The following AP1B1 variants were observed in gnomAD, a reference collection of about 807,000 sequenced individuals.
AP1B1 encodes the protein AP-1 complex subunit beta-1.
AP1B1 carries 36 observed loss-of-function variants against 104.3 expected under a neutral mutation model. The ratio of observed to expected loss-of-function variants is 0.35; its 90% CI spans 0.26 to 0.46. AP1B1 has a LOEUF of 0.46. Ranked by LOEUF, AP1B1 falls within the 20% of genes least tolerant of loss-of-function variation. The pLI is 1.00. For synonymous variants in AP1B1, 504 were observed against 517.5 expected (o/e 0.97, Z 0.35); for missense variants, 901 against 1,247.9 (o/e 0.72, Z 4.19).
Position 29,331,793 on chromosome 22 carries a change from G to A in AP1B1, c.2433C>T (p.Asn811=), listed in dbSNP as rs371753455. Residue 811 remains asparagine (N), a synonymous_variant, in exon 18 of 23, where the codon AAC becomes AAT. Coordinates refer to ENST00000357586, the MANE Select transcript of AP1B1 (RefSeq NM_001127.4). ...TGCCCTGCCCGGAACCCACCTGGAG[G>A]TTGTTCAGAGGCTCCATCTTCATGA... ...GSVMKMEPLN[N]LQVAVKNNID... is the part of the protein sequence containing the mutation. The A allele has an allele frequency of 5.0e-6, 8 of 1,614,068 alleles. No homozygotes were observed. The highest frequency in any genetic ancestry group is 6.8e-6 in the Non-Finnish European group (8 of 1,180,040).
chr22:29,384,087 C>T (rs922073976), intron 1 of AP1B1, among the ~76,000 whole-genome samples: 1 of 152,198 alleles, frequency 6.6e-6, no homozygotes, highest in Non-Finnish European at 1.5e-5. Flanking sequence ...ACAAAGCAAA[C>T]AGGCACAACT....
At chr22:29,374,810 T>C (rs144908389) in intron 1 of AP1B1, among the ~76,000 whole-genome samples, 194 of 152,358 alleles carry the variant, frequency 1.3e-3, no homozygotes, top group South Asian at 6.6e-3. Context: ...AAATTATTCA[T>C]GCAACATCCT....
chr22:29,351,719 C>A lies in AP1B1; in HGVS notation c.1045G>T (p.Ala349Ser). 2 of 1,613,982 alleles carry A rather than the reference C, an allele frequency of 1.2e-6. No individual in the cohort carries two copies. The highest frequency in any genetic ancestry group is 1.7e-6 in the Non-Finnish European group (2 of 1,180,020). Residue 349 changes from alanine (A) to serine (S), a missense_variant, in exon 8 of 23, where the codon GCC (alanine) becomes TCC (serine). Ala to Ser is a moderately conservative substitution (Grantham distance 99). Around this residue, in one of 3 missense-constraint regions of AP1B1, gnomAD observed 471 missense variants for 696.7 expected, o/e 0.68. Transcript: ENST00000357586. ...LDIMIRLASQ[A>S]NIAQVLAELK... ...ACGCAGCTGACCTGGGCGATGTTGG[C>A]CTGAGAGGCCAGGCGGATCATGATG...
At chr22:29,329,445 G>T in intron 22 of AP1B1, 1 of 1,362,276 alleles carries the variant, frequency 7.3e-7, no homozygotes, top group Non-Finnish European at 9.4e-7. Context: ...GGTTCTGCAG[G>T]GTGCAGTTAG....
intron 5 of AP1B1, among the ~76,000 whole-genome samples, chr22:29,357,298 C>T (rs1364878837): frequency 6.6e-6 from 1 of 151,962 alleles, no homozygotes; most frequent in East Asian, 1.9e-4. Context: ...AGACTCCTGA[C>T]CTCAGGTGAT....
At position 29,330,493 on chromosome 22, in the gene AP1B1, G is replaced by A. The variant is rs746846617; in HGVS notation, c.2651C>T (p.Thr884Ile). Residue 884 changes from threonine to isoleucine, a missense_variant, in exon 21 of 23, where the codon ACT (threonine) becomes ATT (isoleucine). Coordinates refer to ENST00000357586, the MANE Select transcript of AP1B1 (RefSeq NM_001127.4). ...GCCCTCCACGTTCCTCTTGGCGACA[G>A]TGAAGATGTTGCTGCTCTGCAGCTT... ...SSKLQSSNIF[T>I]VAKRNVEGQD... is the part of the protein sequence containing the mutation. The A allele has an allele frequency of 8.1e-6, 13 of 1,612,846 alleles. No individual in the cohort carries two copies. The South Asian group carries it at 1.2e-4, about 15-fold the overall frequency.
rs375569320 is a variant in AP1B1 at position 29,330,298 on chromosome 22, G to A, written c.2766+80C>T. The A allele has an allele frequency of 4.2e-5, 67 of 1,589,934 alleles. No individual in the cohort carries two copies. The East Asian group carries it at 5.7e-4, about 13-fold the overall frequency. ...CCAGGCTTGAAGGGACGCTTGGACC[G>A]CGTCCTCCACCAGGGCCACCCCCTG... On this transcript the variant is annotated intron_variant, in intron 21 of 22. Coordinates refer to ENST00000357586, the MANE Select transcript of AP1B1 (RefSeq NM_001127.4).
rs540059634 is a variant in AP1B1 at position 29,364,554 on chromosome 22, G to A, written c.38-1448C>T. On this transcript the variant is annotated intron_variant, in intron 2 of 22. Transcript: ENST00000357586. The stretch of plus-strand genomic sequence containing the variant: ...CTGCCTCAGCATACCGGGTAGCTGG[G>A]ACTACAGGCGTGCGCCATCACACCC... Among the ~76,000 whole-genome samples the A allele has an allele frequency of 2.1e-4, 32 of 151,976 alleles. 1 individual carries two copies. Among genetic ancestry groups the A allele is most frequent in the South Asian group, 1.2e-3 (6 of 4,808 alleles).
At chr22:29,383,611 A>T (rs947757262) in intron 1 of AP1B1, among the ~76,000 whole-genome samples, 2 of 150,796 alleles carry the variant, frequency 1.3e-5, no homozygotes, top group Non-Finnish European at 2.9e-5. Context: ...CAGGAGGCTG[A>T]AGCAGGAGAA....
chr22:29,367,595 T>C (rs1169293135), intron 1 of AP1B1, among the ~76,000 whole-genome samples: 3 of 150,958 alleles, frequency 2.0e-5, no homozygotes, highest in African/African-American at 7.3e-5. Flanking sequence ...CCACCACACC[T>C]GATCCCATCA....
In AP1B1 at chr22:29,340,741, C is replaced by A; in HGVS notation, c.1913G>T (p.Gly638Val). The change falls in exon 14 of 23, where the codon GGC becomes GTC. Residue 638 changes from glycine (G) to valine (V), a missense_variant. Gly to Val is a moderately radical substitution (Grantham distance 109). Transcript: ENST00000357586. ...CAGGGGTGGGCCGCTCACTGGGGGG[C>A]CGAGGTCCAGGTTGAGGAGGTCACC... ...LLGDLLNLDL[G>V]PPVSGPPLAT... The A allele has an allele frequency of 6.3e-7, 1 of 1,595,890 alleles. No individual in the cohort carries two copies. The highest frequency in any genetic ancestry group is 8.5e-7 in the Non-Finnish European group (1 of 1,172,220).
At chr22:29,359,788 A>G in intron 4 of AP1B1, 36 bp downstream of exon 4, 1 of 1,591,170 alleles carries the variant, frequency 6.3e-7, no homozygotes, top group Non-Finnish European at 8.6e-7. Context: ...AGCCTTAAGC[A>G]CCCAATGTCC....
At chr22:29,344,108 C>CT (rs2061754144) in intron 11 of AP1B1, among the ~76,000 whole-genome samples, 2 of 133,158 alleles carry the variant, frequency 1.5e-5, no homozygotes, top group African/African-American at 6.9e-5. Flanking sequence ...GAGACTTTGT[C>CT]TCAAAAAAAA....
chr22:29,343,901 A>C (rs2061749894), intron 11 of AP1B1, among the ~76,000 whole-genome samples: 1 of 152,146 alleles, frequency 6.6e-6, no homozygotes, highest in Non-Finnish European at 1.5e-5. Flanking sequence ...ACCTGAGGTC[A>C]GGAGTTCGAG....
chr22:29,369,882 C>T (rs936856120), intron 1 of AP1B1, among the ~76,000 whole-genome samples: 1 of 136,688 alleles, frequency 7.3e-6, no homozygotes, highest in Non-Finnish European at 1.5e-5. Context: ...GCCATTTTCT[C>T]AAAGAAACCT....
chr22:29,354,559 T>C lies in AP1B1; in HGVS notation c.938+91A>G, dbSNP rs2061925846. The C allele has an allele frequency of 3.2e-6, 4 of 1,243,990 alleles. No individual in the cohort carries two copies. The Admixed American group carries it at 5.6e-5, about 17-fold the overall frequency. The allele number at this position is 1,243,990 out of a possible 1,614,324, so 77.1% of individuals were successfully genotyped here. ...AAGCTATTTGAGACTTCCTGCATGG[T>C]GACAGGTCAGTTTCCTTTGAGAGCC... On this transcript the variant is annotated intron_variant, in intron 7 of 22. Transcript: ENST00000357586.
At chr22:29,359,045 C>G (rs1440839629) in intron 4 of AP1B1, 74 bp from the exon 5 acceptor site, 3 of 1,432,022 alleles carry the variant, frequency 2.1e-6, no homozygotes, top group Non-Finnish European at 2.8e-6. Context: ...CCCTGGCCTG[C>G]AGCTCTGAGC....
intron 5 of AP1B1, among the ~76,000 whole-genome samples, chr22:29,357,878 G>C (rs572810855): frequency 6.6e-6 from 1 of 151,762 alleles, no homozygotes; most frequent in African/African-American, 2.4e-5. Flanking sequence ...AGTAGAGATG[G>C]GGTTTCACCA....
chr22:29,342,391 GA>G lies in AP1B1; in HGVS notation c.1438-9del. ...CAGCAGCTGCAGCTGGACCTGCAGG[GA>G]ACAGCGGTGACGAGGAGGAAGTGTG... On this transcript the variant is annotated splice_polypyrimidine_tract_variant and intron_variant, in intron 11 of 22. Coordinates refer to ENST00000357586, the MANE Select transcript of AP1B1 (RefSeq NM_001127.4). The G allele has an allele frequency of 6.2e-7, 1 of 1,611,918 alleles. No homozygotes were observed.
Sources: allele counts gnomAD v4.1 joint callset (sites outside exome capture counted in the v4.1 genomes callset), GRCh38; gene constraint gnomAD v4.1.1; regional missense constraint gnomAD v4.1.1; transcripts MANE v1.5; gene names NCBI Gene and HGNC (gene_info 2026-07-23, HGNC 2026-07-21).